The following PTPRG variants were observed in gnomAD, a reference collection of about 807,000 sequenced individuals.
The protein encoded by PTPRG is receptor-type tyrosine-protein phosphatase gamma.
In PTPRG, 102 loss-of-function variants were observed where a neutral mutation model predicts 165.3. The ratio of observed to expected loss-of-function variants is 0.62; its 90% CI spans 0.53 to 0.73. PTPRG has a LOEUF of 0.73. PTPRG is among the 30% of genes least tolerant of loss of function. PTPRG has a pLI of 0.00. For missense variants in PTPRG, 1,866 were observed against 1,861.4 expected (o/e 1.00, Z -0.05); for synonymous variants, 675 against 669.5 (o/e 1.01, Z -0.13).
intron 5 of PTPRG, among the ~76,000 whole-genome samples, chr3:62,088,144 G>A (rs983160668): frequency 6.6e-5 from 10 of 152,224 alleles, no homozygotes; most frequent in African/African-American, 2.4e-4. Flanking sequence ...ATGTGGCCAT[G>A]TCTGGAAACA....
At chr3:61,876,494 C>G (rs1431397259) in intron 2 of PTPRG, among the ~76,000 whole-genome samples, 1 of 152,150 alleles carries the variant, frequency 6.6e-6, no homozygotes, top group African/African-American at 2.4e-5. Flanking sequence ...GAAGCTGGGT[C>G]AGGGATATAT....
chr3:62,058,830 G>A (rs914525226), intron 4 of PTPRG, among the ~76,000 whole-genome samples: 1 of 152,296 alleles, frequency 6.6e-6, no homozygotes, highest in South Asian at 2.1e-4. Flanking sequence ...CCAGTGATCT[G>A]AACCCACTGA....
At chr3:62,136,392 T>C (rs534438962) in intron 6 of PTPRG, among the ~76,000 whole-genome samples, 4 of 152,250 alleles carry the variant, frequency 2.6e-5, no homozygotes, top group Admixed American at 2.6e-4. Context: ...ATAGAGATTA[T>C]CCAGACAGAG....
chr3:62,009,952 G>C (rs948505321), intron 4 of PTPRG, among the ~76,000 whole-genome samples: 1 of 152,162 alleles, frequency 6.6e-6, no homozygotes, highest in Non-Finnish European at 1.5e-5. Flanking sequence ...AGGTCTTACT[G>C]TGTCACCCAG....
intron 2 of PTPRG, among the ~76,000 whole-genome samples, chr3:61,912,014 C>T (rs2038813932): frequency 6.6e-6 from 1 of 152,146 alleles, no homozygotes; most frequent in Non-Finnish European, 1.5e-5. Context: ...TGTCAGTGTG[C>T]ATCATTTGAT....
intron 1 of PTPRG, among the ~76,000 whole-genome samples, chr3:61,718,852 T>TTGAC (rs1423143771): frequency 6.6e-6 from 1 of 152,214 alleles, no homozygotes; most frequent in East Asian, 1.9e-4. Context: ...TTCAATGCTA[T>TTGAC]TGACTTCCCA....
At chr3:61,813,713 A>G (rs1369301153) in intron 2 of PTPRG, among the ~76,000 whole-genome samples, 3 of 151,988 alleles carry the variant, frequency 2.0e-5, no homozygotes, top group Non-Finnish European at 4.4e-5. Context: ...CTTCCATGGA[A>G]CATCTTGTTT....
At chr3:62,287,918 C>T (rs768227909) in intron 28 of PTPRG, among the ~76,000 whole-genome samples, 1 of 152,112 alleles carries the variant, frequency 6.6e-6, no homozygotes, top group Non-Finnish European at 1.5e-5. Context: ...AGGCTACATT[C>T]ATTGATTACA....
At chr3:62,102,233 T>C (rs903209955) in intron 5 of PTPRG, among the ~76,000 whole-genome samples, 6 of 152,120 alleles carry the variant, frequency 3.9e-5, no homozygotes, top group Admixed American at 2.6e-4. Context: ...TTGCCGTGTT[T>C]GGACACCTTT....
At chr3:61,995,911 C>T (rs73087412) in intron 3 of PTPRG, among the ~76,000 whole-genome samples, 5 of 152,038 alleles carry the variant, frequency 3.3e-5, no homozygotes, top group African/African-American at 4.8e-5. Flanking sequence ...GATCTCTCCA[C>T]GAGCCTTTAC....
intron 12 of PTPRG, among the ~76,000 whole-genome samples, chr3:62,209,353 G>A (rs771250968): frequency 9.2e-5 from 14 of 152,178 alleles, no homozygotes; most frequent in Non-Finnish European, 2.1e-4. Flanking sequence ...CCAAGGCCGA[G>A]AACCCCTGAT....
intron 6 of PTPRG, among the ~76,000 whole-genome samples, chr3:62,150,042 C>T (rs1704271704): frequency 6.6e-6 from 1 of 152,244 alleles, no homozygotes; most frequent in African/African-American, 2.4e-5. Context: ...TCACTGCCTT[C>T]AGGCTTTCAA....
At chr3:61,722,742 T>C (rs1260526636) in intron 1 of PTPRG, among the ~76,000 whole-genome samples, 1 of 152,226 alleles carries the variant, frequency 6.6e-6, no homozygotes, top group Non-Finnish European at 1.5e-5. Context: ...GTTATGTCTG[T>C]TTATTTTGGT....
intron 2 of PTPRG, among the ~76,000 whole-genome samples, chr3:61,974,581 C>G (rs933346679): frequency 5.9e-5 from 9 of 152,010 alleles, no homozygotes; most frequent in African/African-American, 1.7e-4. Flanking sequence ...TAAATATGTC[C>G]TTTATGGAAC....
intron 7 of PTPRG, among the ~76,000 whole-genome samples, chr3:62,157,607 A>G (rs995783032): frequency 1.3e-4 from 20 of 152,238 alleles, no homozygotes; most frequent in African/African-American, 4.8e-4. Flanking sequence ...GGTAGATGCT[A>G]TTTGTACCCC....
intron 2 of PTPRG, among the ~76,000 whole-genome samples, chr3:61,823,736 T>C (rs2036023758): frequency 6.6e-6 from 1 of 152,228 alleles, no homozygotes; most frequent in South Asian, 2.1e-4. Flanking sequence ...GGATTTATAG[T>C]GCAAGTAGAA....
intron 2 of PTPRG, among the ~76,000 whole-genome samples, chr3:61,947,213 TA>T (rs1279199431): frequency 6.6e-6 from 1 of 152,222 alleles, no homozygotes; most frequent in East Asian, 1.9e-4. Context: ...CTAAGTGGAC[TA>T]AAGGTCAGTT....
chr3:61,936,817 G>A (rs990810396), intron 2 of PTPRG, among the ~76,000 whole-genome samples: 5 of 152,134 alleles, frequency 3.3e-5, no homozygotes, highest in African/African-American at 9.7e-5. Flanking sequence ...TAATGGAGGA[G>A]GAATACCTTC....
chr3:61,625,697 C>T (rs1399978095), intron 1 of PTPRG, among the ~76,000 whole-genome samples: 1 of 152,162 alleles, frequency 6.6e-6, no homozygotes, highest in Non-Finnish European at 1.5e-5. Context: ...CCTGGAGTAT[C>T]TACTACAGAG....
Sources: gnomAD v4.1 joint callset for allele counts (sites outside exome capture counted in the v4.1 genomes callset) on GRCh38, gnomAD v4.1.1 for gene constraint, MANE v1.5 for transcripts, NCBI Gene and HGNC (gene_info 2026-07-23, HGNC 2026-07-21) for gene names.